The following BRDT variants were observed in gnomAD, a reference collection of about 807,000 sequenced individuals.
BRDT encodes bromodomain testis-specific protein.
Under a neutral mutation model 113.9 loss-of-function variants are expected in BRDT, and 77 were observed. That is an observed-to-expected ratio of 0.68 (90% confidence interval 0.56 to 0.82). The LOEUF is 0.82. Among genes scored for constraint, BRDT ranks in the 40% least tolerant of loss-of-function variants. The pLI, the probability that BRDT is intolerant of heterozygous loss-of-function variation, is 0.00. For synonymous variants in BRDT, 358 were observed against 366.5 expected (o/e 0.98, Z 0.26); for missense variants, 1,027 against 1,105.4 (o/e 0.93, Z 1.01).
chr1:91,955,290 A>G (rs72716502), intron 1 of BRDT, among the ~76,000 whole-genome samples: 2,354 of 152,054 alleles, frequency 0.015, 26 homozygotes, highest in Middle Eastern at 0.054. Context: ...CATCTCTACT[A>G]AAAATACAAA....
At chr1:91,985,780 A>C (rs1012610875) in intron 12 of BRDT, among the ~76,000 whole-genome samples, 34 of 151,660 alleles carry the variant, frequency 2.2e-4, no homozygotes, top group Admixed American at 5.9e-4. Flanking sequence ...CTGGGACTAC[A>C]GGCGCCCGCC....
At chr1:91,987,242 T>C (rs1266581387) in intron 12 of BRDT, among the ~76,000 whole-genome samples, 4 of 151,960 alleles carry the variant, frequency 2.6e-5, no homozygotes, top group Non-Finnish European at 5.9e-5. Context: ...TTCTATAATC[T>C]GTCCTCTGTA....
intron 1 of BRDT, among the ~76,000 whole-genome samples, chr1:91,957,077 C>A (rs1257615061): frequency 6.6e-6 from 1 of 152,100 alleles, no homozygotes; most frequent in Non-Finnish European, 1.5e-5. Context: ...AGGAAGGTAA[C>A]TGAGGAAGGC....
chr1:91,994,360 C>A, intron 15 of BRDT, 106 bp downstream of exon 15: 1 of 930,556 alleles, frequency 1.1e-6, no homozygotes, highest in Non-Finnish European at 1.6e-6. Flanking sequence ...CTGGGAAATA[C>A]CAACAATCAT....
chr1:92,011,796 A>G (rs1687818728), intron 18 of BRDT, among the ~76,000 whole-genome samples: 1 of 152,156 alleles, frequency 6.6e-6, no homozygotes, highest in South Asian at 2.1e-4. Flanking sequence ...ATTTGCTATC[A>G]TTTTTGACAG....
intron 12 of BRDT, 30 bp downstream of exon 12, chr1:91,981,785 T>G (rs1360501335): frequency 6.4e-7 from 1 of 1,555,618 alleles, no homozygotes; most frequent in Admixed American, 2.1e-5. Context: ...GTACCTCTGT[T>G]GATGGGAGCA....
At chr1:91,996,160 A>G (rs545791133) in intron 15 of BRDT, among the ~76,000 whole-genome samples, 2 of 152,208 alleles carry the variant, frequency 1.3e-5, no homozygotes, top group Non-Finnish European at 2.9e-5. Context: ...ATTAATTTGT[A>G]TACAACAAAT....
At chr1:91,992,557 ACAGAGT>A (rs1390469260) in intron 14 of BRDT, among the ~76,000 whole-genome samples, 1 of 152,124 alleles carries the variant, frequency 6.6e-6, no homozygotes, top group African/African-American at 2.4e-5. Context: ...TGTTGTTGAG[ACAGAGT>A]CTCGCTCTAT....
At chr1:91,994,840 C>G (rs1351984773) in intron 15 of BRDT, among the ~76,000 whole-genome samples, 2 of 124,278 alleles carry the variant, frequency 1.6e-5, no homozygotes, top group Admixed American at 1.0e-4. Flanking sequence ...TGCACTCCAG[C>G]CTGGGCGACA....
At chr1:91,975,387 G>A (rs1684039889) in intron 4 of BRDT, among the ~76,000 whole-genome samples, 3 of 152,152 alleles carry the variant, frequency 2.0e-5, no homozygotes, top group Non-Finnish European at 4.4e-5. Flanking sequence ...TTTACTTAGC[G>A]AGATTACAAG....
At chr1:91,972,060 C>A (rs1395870170) in intron 4 of BRDT, among the ~76,000 whole-genome samples, 1 of 151,104 alleles carries the variant, frequency 6.6e-6, no homozygotes, top group South Asian at 2.1e-4. Context: ...GTCTCCTTAG[C>A]ACAAATTCTA....
At chr1:91,990,476 A>G (rs1366466078) in intron 12 of BRDT, among the ~76,000 whole-genome samples, 2 of 152,200 alleles carry the variant, frequency 1.3e-5, no homozygotes, top group African/African-American at 2.4e-5. Flanking sequence ...TTAGGGCTAT[A>G]TTTATGGCTA....
rs1187271663 is a variant in BRDT at position 91,991,382 on chromosome 1, T to C, written c.2064+137T>C. On this transcript the variant is annotated intron_variant, in intron 13 of 18. Transcript: ENST00000399546. ...CACTGTTTTTAGCTTATCAACTAAATGTTCAATGATTTCTTCCTGAAGAAA... is the reference window on the plus strand; with the variant it reads ...CACTGTTTTTAGCTTATCAACTAAACGTTCAATGATTTCTTCCTGAAGAAA... The C allele has an allele frequency of 7.0e-6, 3 of 427,732 alleles. No individual in the cohort carries two copies. The East Asian group carries it at 1.2e-4, about 17-fold the overall frequency. The allele number at this position is 427,732 out of a possible 1,614,324, so 26.5% of individuals were successfully genotyped here. A position where few individuals can be genotyped will look rare whatever the true frequency, so the allele number is the denominator to read the frequency against.
chr1:92,012,633 G>A (rs915371666), intron 18 of BRDT, among the ~76,000 whole-genome samples: 2 of 152,212 alleles, frequency 1.3e-5, no homozygotes, highest in South Asian at 2.1e-4. Flanking sequence ...GTCTGGGGCC[G>A]GGTGCAATGG....
chr1:91,960,810 C>T (rs183355770), intron 1 of BRDT, among the ~76,000 whole-genome samples: 3 of 152,262 alleles, frequency 2.0e-5, no homozygotes, highest in African/African-American at 7.2e-5. Flanking sequence ...TAAAAATGGG[C>T]AACTTATTTC....
intron 1 of BRDT, among the ~76,000 whole-genome samples, chr1:91,961,781 G>GACTTTTCCT (rs1682475265): frequency 6.6e-6 from 1 of 152,040 alleles, no homozygotes; most frequent in African/African-American, 2.4e-5. Flanking sequence ...CTTCCGACTA[G>GACTTTTCCT]GAATTTATAG....
intron 15 of BRDT, among the ~76,000 whole-genome samples, chr1:91,998,709 G>T (rs1052014666): frequency 2.0e-5 from 3 of 152,158 alleles, no homozygotes; most frequent in Non-Finnish European, 4.4e-5. Flanking sequence ...AGAATCACCT[G>T]ATGTGTTTGG....
chr1:91,995,118 G>T (rs1244698581), intron 15 of BRDT, among the ~76,000 whole-genome samples: 2 of 152,024 alleles, frequency 1.3e-5, no homozygotes, highest in African/African-American at 2.4e-5. Context: ...GGTTGAAGGG[G>T]ATGTGTGGCA....
At position 92,004,636 on chromosome 1, in the gene BRDT, A is replaced by G; in HGVS notation, c.2594+17A>G. ...AAATCAGAGGTCTGTAATTTACTGG[A>G]TTAAAGGAGGGTTTGGGAGATATAG... On this transcript the variant is annotated intron_variant, in intron 17 of 18. Transcript: ENST00000399546. 6.3e-7 allele frequency: 1 copy of G among 1,576,354 alleles called. No homozygotes were observed. Among genetic ancestry groups the G allele is most frequent in the Non-Finnish European group, 8.6e-7 (1 of 1,163,998 alleles).
Sources: allele counts gnomAD v4.1 joint callset (sites outside exome capture counted in the v4.1 genomes callset), GRCh38; gene constraint gnomAD v4.1.1; transcripts MANE v1.5; gene names NCBI Gene and HGNC (gene_info 2026-07-23, HGNC 2026-07-21).